The following FBN1 variants were observed in gnomAD, a reference collection of about 807,000 sequenced individuals.
The protein encoded by FBN1 is fibrillin-1.
A neutral mutation model predicts 365.1 loss-of-function variants in FBN1; 29 were observed. That is an observed-to-expected ratio of 0.08 (90% CI 0.06 to 0.11). The LOEUF (loss-of-function observed/expected upper bound fraction) is 0.11, where lower values mean the gene tolerates loss of function less well. Among genes scored for constraint, FBN1 ranks in the 10% least tolerant of loss-of-function variants. FBN1 has a pLI of 1.00. For missense variants in FBN1, 2,476 were observed against 3,703.2 expected (o/e 0.67, Z 8.60); for synonymous variants, 1,210 against 1,270.5 (o/e 0.95, Z 1.01).
Position 48,503,856 on chromosome 15 carries a change from C to G in FBN1, c.2044G>C (p.Glu682Gln), listed in dbSNP as rs908212152. ...KPLFGAVTKS[E>Q]CCCASTEYAF... is the part of the protein sequence containing the mutation. ...TACTCAGTGCTGGCGCAACAGCATTCAGATTTAGTGACAGCACCAAACAAA... is the reference window on the plus strand; with the variant it reads ...TACTCAGTGCTGGCGCAACAGCATTGAGATTTAGTGACAGCACCAAACAAA... Residue 682 changes from glutamate to glutamine, a missense_variant, in exon 17 of 66, where the codon GAA (glutamate) becomes CAA (glutamine). By Grantham distance (29) the Glu-to-Gln change is conservative (BLOSUM62 2). Transcript: ENST00000316623. The G allele has an allele frequency of 1.2e-6, 2 of 1,614,226 alleles. No individual in the cohort carries two copies. Among genetic ancestry groups the G allele is most frequent in the Non-Finnish European group, 1.7e-6 (2 of 1,180,044 alleles).
intron 6 of FBN1, among the ~76,000 whole-genome samples, chr15:48,585,601 A>T (rs1362826624): frequency 6.6e-6 from 1 of 152,246 alleles, no homozygotes. Context: ...AAATTATGTA[A>T]ATCAACAAAT....
At chr15:48,459,090 T>C (rs928496237) in intron 43 of FBN1, among the ~76,000 whole-genome samples, 2 of 152,320 alleles carry the variant, frequency 1.3e-5, no homozygotes, top group East Asian at 3.9e-4. Flanking sequence ...CTAGATGAAG[T>C]CTGAAGCCTT....
At chr15:48,491,454 C>A (rs762646181) in intron 24 of FBN1, among the ~76,000 whole-genome samples, 6 of 151,916 alleles carry the variant, frequency 3.9e-5, no homozygotes, top group Non-Finnish European at 7.4e-5. Context: ...GGGTTCATGC[C>A]ATTCTCCTGC....
At chr15:48,536,257 G>A (rs771048561) in intron 7 of FBN1, among the ~76,000 whole-genome samples, 56 of 152,110 alleles carry the variant, frequency 3.7e-4, no homozygotes, top group Admixed American at 7.9e-4. Flanking sequence ...TTGAATAGCA[G>A]AGTTAGAAAG....
At chr15:48,580,010 TTC>T (rs1363589080) in intron 6 of FBN1, among the ~76,000 whole-genome samples, 1 of 152,190 alleles carries the variant, frequency 6.6e-6, no homozygotes, top group Non-Finnish European at 1.5e-5. Context: ...TTCTGTTTCA[TTC>T]TCTTTCTTTC....
chr15:48,640,709 C>T (rs1452576543), intron 2 of FBN1, among the ~76,000 whole-genome samples: 1 of 152,178 alleles, frequency 6.6e-6, no homozygotes, highest in Non-Finnish European at 1.5e-5. Flanking sequence ...TCTCATGTAC[C>T]TATAAACCAC....
chr15:48,526,028 A>G, intron 9 of FBN1, 102 bp downstream of exon 9: 11 of 1,456,662 alleles, frequency 7.6e-6, no homozygotes, highest in Non-Finnish European at 1.1e-5. Context: ...ATTTTACCTC[A>G]GTTGATAAAT....
At chr15:48,490,879 C>A (rs35450230) in intron 24 of FBN1, among the ~76,000 whole-genome samples, 34,719 of 152,164 alleles carry the variant, frequency 0.23, 4,861 homozygotes, top group African/African-American at 0.39. Context: ...TGAAGCTCAA[C>A]TGAGATTATG....
rs2141247405 is a variant in FBN1 at position 48,443,948 on chromosome 15, C to T, written c.6037+593G>A. 1.3e-5 allele frequency among the ~76,000 whole-genome samples: 2 copies of T among 152,280 alleles called. 1 individual carries two copies. Among genetic ancestry groups the T allele is most frequent in the East Asian group, 3.9e-4 (2 of 5,186 alleles). ...TCCAGAGGCTGAGACAGGATGATCA[C>T]TTGAGCCCAGGAGTTCAAGCTTACA... On this transcript the variant is annotated intron_variant, in intron 49 of 65. Transcript: ENST00000316623.
intron 60 of FBN1, among the ~76,000 whole-genome samples, chr15:48,423,606 A>G (rs891394425): frequency 6.6e-6 from 1 of 152,150 alleles, no homozygotes; most frequent in Non-Finnish European, 1.5e-5. Context: ...CATGAGTACA[A>G]CACATGAAGA....
At chr15:48,479,563 C>G (rs919232370) in intron 32 of FBN1, among the ~76,000 whole-genome samples, 2 of 152,158 alleles carry the variant, frequency 1.3e-5, no homozygotes, top group Non-Finnish European at 2.9e-5. Context: ...CTGTAATTTT[C>G]AAAACTGGAG....
intron 6 of FBN1, among the ~76,000 whole-genome samples, chr15:48,592,920 A>G (rs1439664657): frequency 6.6e-6 from 1 of 152,204 alleles, no homozygotes; most frequent in Non-Finnish European, 1.5e-5. Context: ...TCTATTTTTT[A>G]TCCTCTGGGT....
chr15:48,483,522 T>C (rs939962276), intron 31 of FBN1, among the ~76,000 whole-genome samples: 8 of 152,210 alleles, frequency 5.3e-5, no homozygotes, highest in African/African-American at 9.6e-5. Context: ...GCCTACATGA[T>C]AGTCAAAGCA....
chr15:48,522,358 A>C (rs2043865962), intron 9 of FBN1, among the ~76,000 whole-genome samples: 1 of 152,114 alleles, frequency 6.6e-6, no homozygotes, highest in Admixed American at 6.5e-5. Context: ...TTTATTGTGT[A>C]TAATAAAGTG....
Position 48,612,382 on chromosome 15 carries a change from T to C in FBN1, c.247+628A>G, listed in dbSNP as rs796869820. Among the ~76,000 whole-genome samples the C allele has an allele frequency of 1.3e-4, 20 of 152,324 alleles. 1 individual carries two copies. The highest frequency in any genetic ancestry group is 2.9e-4 in the African/African-American group (12 of 41,564). The stretch of plus-strand genomic sequence containing the variant: ...TAGGTACAACAACTGTAAAAGCTCA[T>C]GAAGGGCAGGCATCATGACTAAATT... On this transcript the variant is annotated intron_variant, in intron 3 of 65. Transcript: ENST00000316623.
intron 38 of FBN1, among the ~76,000 whole-genome samples, chr15:48,467,378 G>A (rs189670616): frequency 2.0e-5 from 3 of 152,254 alleles, no homozygotes; most frequent in Admixed American, 6.5e-5. Flanking sequence ...ACTGAATTTT[G>A]CCAAAGAAGC....
chr15:48,556,307 T>C (rs1395554718), intron 6 of FBN1, among the ~76,000 whole-genome samples: 2 of 152,120 alleles, frequency 1.3e-5, no homozygotes, highest in African/African-American at 2.4e-5. Flanking sequence ...AAAATAGTTG[T>C]TGGAAAGAAG....
At chr15:48,513,070 G>A (rs1389648883) in intron 13 of FBN1, among the ~76,000 whole-genome samples, 1 of 152,210 alleles carries the variant, frequency 6.6e-6, no homozygotes, top group Non-Finnish European at 1.5e-5. Flanking sequence ...GCAATAGTAT[G>A]TCTGTGGTGG....
intron 6 of FBN1, among the ~76,000 whole-genome samples, chr15:48,595,838 C>T (rs1406762740): frequency 6.6e-6 from 1 of 152,178 alleles, no homozygotes; most frequent in Admixed American, 6.5e-5. Context: ...TGAGCTTGTA[C>T]ACCTCTACAG....
Sources: gnomAD v4.1 joint callset for allele counts (sites outside exome capture counted in the v4.1 genomes callset) on GRCh38, gnomAD v4.1.1 for gene constraint, MANE v1.5 for transcripts, NCBI Gene and HGNC (gene_info 2026-07-23, HGNC 2026-07-21) for gene names.